Variants in TNRC6C observed in about 807,000 individuals in gnomAD.
TNRC6C encodes the protein trinucleotide repeat containing adaptor 6C.
In TNRC6C, 20 loss-of-function variants were observed where a neutral mutation model predicts 153.7. The observed-to-expected ratio is 0.13, with a 90% confidence interval of 0.09 to 0.19. TNRC6C has a LOEUF of 0.19. Ranked by LOEUF, TNRC6C falls within the 10% of genes least tolerant of loss-of-function variation. The pLI is 1.00. For missense variants in TNRC6C, 1,987 were observed against 2,172.0 expected, an observed-to-expected ratio of 0.91 and a Z score of 1.69; for synonymous variants, 811 against 841.4, an observed-to-expected ratio of 0.96 and a Z score of 0.63.
At chr17:78,098,587 A>T (rs1039822311) in intron 17 of TNRC6C, 50 bp downstream of exon 20, 1 of 1,563,392 alleles carries the variant, frequency 6.4e-7, no homozygotes, top group Non-Finnish European at 8.7e-7. Context: ...CCTTTAGGGG[A>T]TGTGCTTATC....
Position 78,084,282 on chromosome 17 carries a change from G to GAA in TNRC6C, c.3477+1127_3477+1128dup, listed in dbSNP as rs200911250. 3.1e-3 allele frequency among the ~76,000 whole-genome samples: 134 copies of GAA among 42,894 alleles called. 1 individual carries two copies. The highest frequency in any genetic ancestry group is 0.014 in the Middle Eastern group (1 of 72). 28.1% of individuals were successfully genotyped at this position (42,894 alleles called of 152,430 possible). A position where few individuals can be genotyped will look rare whatever the true frequency, so the allele number is the denominator to read the frequency against. On this transcript the variant is annotated intron_variant, in intron 11 of 19. Coordinates refer to ENST00000301624, the Ensembl canonical transcript of TNRC6C. ...GCGACAGAGCAAGACTCCGTCTCAA[G>GAA]AAAAAAAAAAAAGAAAATCATGACC...
chr17:77,995,932 G>C (rs1050835535), intron 1 of TNRC6C, among the ~76,000 whole-genome samples: 1 of 152,146 alleles, frequency 6.6e-6, no homozygotes, highest in Non-Finnish European at 1.5e-5. Context: ...AATTAGCCAG[G>C]CATGGTGATC....
intron 1 of TNRC6C, among the ~76,000 whole-genome samples, chr17:77,970,107 A>G (rs1275893433): frequency 6.6e-6 from 1 of 152,228 alleles, no homozygotes; most frequent in Admixed American, 6.5e-5. Context: ...TCTGCATTAT[A>G]TCTTTCTTCT....
intron 4 of TNRC6C, 47 bp downstream of exon 6, chr17:78,064,984 C>A: frequency 1.3e-6 from 2 of 1,532,670 alleles, no homozygotes; most frequent in Non-Finnish European, 1.8e-6. Flanking sequence ...TTGGAAATGA[C>A]TCAAAGTATT....
chr17:77,997,656 T>G (rs540626910), intron 1 of TNRC6C, among the ~76,000 whole-genome samples: 67 of 150,082 alleles, frequency 4.5e-4, no homozygotes, highest in Non-Finnish European at 8.2e-4. Context: ...ATAACGTTGT[T>G]TTTTTTTTTT....
At position 78,031,851 on chromosome 17, in the gene TNRC6C, C is replaced by T. The variant is rs905590628; in HGVS notation, c.-219+9C>T. 3.2e-6 allele frequency: 4 copies of T among 1,232,128 alleles called. No homozygotes were observed. Among genetic ancestry groups the T allele is most frequent in the Middle Eastern group, 3.1e-4 (1 of 3,208 alleles). The allele number at this position is 1,232,128 out of a possible 1,614,324, so 76.3% of individuals were successfully genotyped here. On this transcript the variant is annotated intron_variant, in intron 2 of 19. Coordinates refer to ENST00000301624, the Ensembl canonical transcript of TNRC6C. ...CAGTAAGCTCCAACCAGGTAAAAAC[C>T]ACATAGGATGAGACATTGTTTTGAT...
intron 2 of TNRC6C, among the ~76,000 whole-genome samples, chr17:78,045,018 G>GA (rs2143914773): frequency 6.6e-6 from 1 of 152,300 alleles, no homozygotes; most frequent in East Asian, 1.9e-4. Context: ...GCACCTCAAG[G>GA]AACTGTCTGG....
chr17:78,100,666 C>T (rs1432130495), intron 17 of TNRC6C, among the ~76,000 whole-genome samples: 1 of 152,082 alleles, frequency 6.6e-6, no homozygotes, highest in African/African-American at 2.4e-5. Flanking sequence ...GCTCTAGAGA[C>T]AGTCTCCATT....
intron 1 of TNRC6C, among the ~76,000 whole-genome samples, chr17:78,007,465 A>G (rs537393356): frequency 2.6e-5 from 4 of 152,344 alleles, no homozygotes; most frequent in East Asian, 1.9e-4. Flanking sequence ...CTGACTGGAC[A>G]CTTTTGTCGG....
In TNRC6C at chr17:78,104,765, G is replaced by A. The variant is rs962377376; in HGVS notation, c.4993G>A (p.Asp1665Asn). The A allele has an allele frequency of 1.0e-5, 15 of 1,479,780 alleles. No individual in the cohort carries two copies. Among genetic ancestry groups the A allele is most frequent in the Non-Finnish European group, 1.3e-5 (14 of 1,114,982 alleles). The allele number at this position is 1,479,780 out of a possible 1,614,324, so 91.7% of individuals were successfully genotyped here. ...CAGCCTGTGGGGCCCGCCCAGCGCC[G>A]ACGACAGCAGGGTGATAGGCAGCCC... The change falls in exon 20 of 20, where the codon GAC (aspartate) becomes AAC (asparagine). Residue 1665 changes from aspartate to asparagine, a missense_variant. Physicochemically the swap from Asp to Asn is conservative, Grantham distance 23 (BLOSUM62 1). This residue lies in a region of TNRC6C where 139 missense variants were observed against 148.5 expected (regional missense o/e 0.94). Coordinates refer to ENST00000301624, the Ensembl canonical transcript of TNRC6C. The surrounding 1 kb of genome is among the most constrained non-coding windows in gnomAD (Gnocchi z 6.2).
chr17:78,079,874 C>T lies in TNRC6C; in HGVS notation c.3357+333C>T, dbSNP rs765529554. 2.3e-4 allele frequency among the ~76,000 whole-genome samples: 35 copies of T among 152,166 alleles called. No homozygotes were observed. Among genetic ancestry groups the T allele is most frequent in the Non-Finnish European group, 4.4e-5 (3 of 68,018 alleles). ...GATGTGCTTTTGTCCCAGTCTTTGT[C>T]GAGAAAATTATTCAGGTGAACCCAG... is the stretch of plus-strand genomic sequence containing the variant. On this transcript the variant is annotated intron_variant, in intron 10 of 19. Coordinates refer to ENST00000301624, the Ensembl canonical transcript of TNRC6C. The surrounding 1 kb of genome is among the most constrained non-coding windows in gnomAD (Gnocchi z 4.3).
chr17:77,976,500 C>T (rs915049003), intron 1 of TNRC6C, among the ~76,000 whole-genome samples: 4 of 152,198 alleles, frequency 2.6e-5, no homozygotes, highest in Non-Finnish European at 1.5e-5. Context: ...TCCAGAAATG[C>T]TTATAAATTT....
In TNRC6C at chr17:78,065,185, CA is replaced by C. The variant is rs934372756; in HGVS notation, c.2611+257del. ...GCAGCATAGTGAGACCTTGTCACTA[CA>C]AAAAAAAATTGAAAAATTAGCCAGG... On this transcript the variant is annotated intron_variant, in intron 4 of 19. Coordinates refer to ENST00000301624, the Ensembl canonical transcript of TNRC6C. 2.7e-4 allele frequency among the ~76,000 whole-genome samples: 40 copies of C among 150,656 alleles called. 1 individual carries two copies. The highest frequency in any genetic ancestry group is 3.4e-3 in the Middle Eastern group (1 of 290).
intron 1 of TNRC6C, among the ~76,000 whole-genome samples, chr17:78,010,346 T>C (rs1274215454): frequency 6.6e-6 from 1 of 152,228 alleles, no homozygotes; most frequent in Non-Finnish European, 1.5e-5. Context: ...CCAGTAGTCT[T>C]CAGTTGAGTG....
intron 5 of TNRC6C, 24 bp downstream of exon 7, chr17:78,067,947 G>A (rs189833363): frequency 6.3e-6 from 10 of 1,576,364 alleles, no homozygotes; most frequent in Middle Eastern, 1.7e-4. Flanking sequence ...TCTTAACGAC[G>A]GTACACCCTG....
chr17:77,969,225 C>G (rs1006456367), intron 1 of TNRC6C, among the ~76,000 whole-genome samples: 2 of 152,120 alleles, frequency 1.3e-5, no homozygotes, highest in African/African-American at 4.8e-5. Flanking sequence ...TTCAGACTGA[C>G]TGAGGTAGTA....
At chr17:78,099,593 T>C (rs900101495) in intron 17 of TNRC6C, among the ~76,000 whole-genome samples, 26 of 152,182 alleles carry the variant, frequency 1.7e-4, no homozygotes, top group African/African-American at 6.3e-4. Context: ...CCTGCCCCCA[T>C]GATTCAGTTA....
upstream of TNRC6C, among the ~76,000 whole-genome samples, chr17:77,958,884 G>A (rs1343855451): frequency 6.8e-6 from 1 of 146,544 alleles, no homozygotes. Flanking sequence ...CAGTAGCCGC[G>A]GGCCCGCCCG....
chr17:77,989,099 C>T (rs948034205), intron 1 of TNRC6C, among the ~76,000 whole-genome samples: 4 of 152,178 alleles, frequency 2.6e-5, no homozygotes, highest in Non-Finnish European at 5.9e-5. Context: ...CACAATGTTA[C>T]TTTCTTGGCT....
Sources: gnomAD v4.1 joint callset for allele counts (sites outside exome capture counted in the v4.1 genomes callset) on GRCh38, gnomAD v4.1.1 for gene constraint, gnomAD v4.1.1 regional missense constraint, Gnocchi (gnomAD v3.1) non-coding constraint, MANE v1.5 for transcripts, NCBI Gene and HGNC (gene_info 2026-07-23, HGNC 2026-07-21) for gene names.